NSUN3: variants seen among roughly 807,000 people sequenced by gnomAD.
NSUN3 encodes the protein tRNA (cytosine(34)-C(5))-methyltransferase, mitochondrial.
A neutral mutation model predicts 36.8 loss-of-function variants in NSUN3; 24 were observed. The observed-to-expected ratio is 0.65, with a 90% CI of 0.47 to 0.92. The LOEUF (loss-of-function observed/expected upper bound fraction) is 0.92. Ranked by LOEUF, NSUN3 falls within the 40% of genes least tolerant of loss-of-function variation. The pLI is 0.00. For missense variants in NSUN3, 381 were observed against 392.8 expected, an observed-to-expected ratio of 0.97 and a Z score of 0.25; for synonymous variants, 146 against 145.2, an observed-to-expected ratio of 1.01 and a Z score of -0.04.
chr3:94,126,472 G>A lies in NSUN3; in HGVS notation c.1005G>A (p.Trp335Ter), dbSNP rs747423750. ...PMYVAKLKKS[W>*]STGKW ...ATGTAGCCAAATTGAAGAAATCATG[G>A]AGCACAGGAAAATGGTGACATGAAT... Residue 335 changes from tryptophan (W) to a stop codon, truncating the protein, a stop_gained, in exon 6 of 6, where the codon TGG becomes TGA. Transcript: ENST00000314622. LOFTEE classifies it high-confidence loss of function. The A allele has an allele frequency of 6.2e-7, 1 of 1,608,276 alleles. No individual in the cohort carries two copies. The highest frequency in any genetic ancestry group is 1.3e-5 in the African/African-American group (1 of 74,882).
At chr3:94,067,164 G>T (rs541043104) in intron 2 of NSUN3, among the ~76,000 whole-genome samples, 1 of 152,268 alleles carries the variant, frequency 6.6e-6, no homozygotes, top group East Asian at 1.9e-4. Flanking sequence ...ATAAAAAGTG[G>T]ATACCAAGGC....
At chr3:94,076,536 T>C in intron 2 of NSUN3, 1 of 798,502 alleles carries the variant, frequency 1.3e-6, no homozygotes, top group Non-Finnish European at 2.3e-6. Flanking sequence ...TCCACCACAT[T>C]TCCCTCCTTT....
intron 5 of NSUN3, among the ~76,000 whole-genome samples, chr3:94,119,975 G>A (rs2077454765): frequency 6.6e-6 from 1 of 152,208 alleles, no homozygotes; most frequent in Non-Finnish European, 1.5e-5. Flanking sequence ...TATGAATGTC[G>A]AAATGAAAGG....
intron 3 of NSUN3, among the ~76,000 whole-genome samples, chr3:94,088,798 G>A (rs1273821423): frequency 4.0e-5 from 6 of 151,150 alleles, no homozygotes; most frequent in Admixed American, 6.6e-5. Context: ...TCAACCTCCC[G>A]AGTAGCTGGG....
At chr3:94,089,099 A>T (rs1324538346) in intron 3 of NSUN3, among the ~76,000 whole-genome samples, 2 of 152,242 alleles carry the variant, frequency 1.3e-5, no homozygotes, top group Non-Finnish European at 2.9e-5. Context: ...CAACATTTTA[A>T]CAAATTAATC....
At chr3:94,116,488 C>T (rs2077440804) in intron 5 of NSUN3, among the ~76,000 whole-genome samples, 1 of 152,112 alleles carries the variant, frequency 6.6e-6, no homozygotes, top group Non-Finnish European at 1.5e-5. Flanking sequence ...CCTTAGAAAA[C>T]TCTTGTGGAA....
At chr3:94,113,324 A>G (rs1459269086) in intron 5 of NSUN3, among the ~76,000 whole-genome samples, 1 of 152,246 alleles carries the variant, frequency 6.6e-6, no homozygotes, top group Non-Finnish European at 1.5e-5. Context: ...CCTGGTTTGG[A>G]CATTTCCAGA....
chr3:94,118,250 A>G (rs1238693341), intron 5 of NSUN3, among the ~76,000 whole-genome samples: 1 of 152,196 alleles, frequency 6.6e-6, no homozygotes, highest in Non-Finnish European at 1.5e-5. Context: ...TTTAAAAAGT[A>G]CTTCCCTAGC....
At chr3:94,082,382 C>T (rs1375872609) in intron 2 of NSUN3, among the ~76,000 whole-genome samples, 6 of 152,088 alleles carry the variant, frequency 3.9e-5, no homozygotes, top group Non-Finnish European at 8.8e-5. Context: ...TTTACAGACC[C>T]TTGATGCACA....
chr3:94,126,196 T>C lies in NSUN3; in HGVS notation c.744-15T>C. The C allele has an allele frequency of 6.3e-7, 1 of 1,589,716 alleles. No individual in the cohort carries two copies. Among genetic ancestry groups the C allele is most frequent in the South Asian group, 1.1e-5 (1 of 87,754 alleles). ...ATACTTAACTAATCTTTTGCATTTT[T>C]CTGATTGCACACAGGTCTGCAATTA... On this transcript the variant is annotated splice_polypyrimidine_tract_variant and intron_variant, in intron 5 of 5. Coordinates refer to ENST00000314622, the MANE Select transcript of NSUN3 (RefSeq NM_022072.5).
rs114529264 is a variant in NSUN3 at position 94,119,542 on chromosome 3, C to G, written c.744-6669C>G. ...GGTGGTAATGCCTGCTCACCCACCA[C>G]TCAACTCCTGCTGTGCAGCTGGGTT... On this transcript the variant is annotated intron_variant, in intron 5 of 5. Transcript: ENST00000314622. Among the ~76,000 whole-genome samples, 775 of 152,276 alleles carry G rather than the reference C, an allele frequency of 5.1e-3. 7 individuals are homozygous for G. Among genetic ancestry groups the G allele is most frequent in the African/African-American group, 0.017 (706 of 41,536 alleles).
At chr3:94,111,779 C>A (rs994907000) in intron 5 of NSUN3, among the ~76,000 whole-genome samples, 4 of 151,772 alleles carry the variant, frequency 2.6e-5, no homozygotes, top group African/African-American at 9.7e-5. Flanking sequence ...CTTCTGGTAA[C>A]CTCCTGTAGG....
At chr3:94,093,480 A>T (rs1267044890) in intron 3 of NSUN3, among the ~76,000 whole-genome samples, 1 of 152,164 alleles carries the variant, frequency 6.6e-6, no homozygotes, top group Non-Finnish European at 1.5e-5. Context: ...TCTAGGCAAG[A>T]TTGCTTATGA....
In NSUN3 at chr3:94,129,461, T is replaced by C. The variant is rs939424681; in HGVS notation, c.*2971T>C. 4.6e-5 allele frequency among the ~76,000 whole-genome samples: 7 copies of C among 151,926 alleles called. No individual in the cohort carries two copies. Among genetic ancestry groups the C allele is most frequent in the African/African-American group, 1.7e-4 (7 of 41,350 alleles). On this transcript the variant is annotated 3_prime_UTR_variant, in exon 6 of 6. Coordinates refer to ENST00000314622, the MANE Select transcript of NSUN3 (RefSeq NM_022072.5). The stretch of plus-strand genomic sequence containing the variant: ...GCTAAATATCGAGTACACATGGACA[T>C]AAAGGAACAATAGACACTGGTGACT...
intron 5 of NSUN3, among the ~76,000 whole-genome samples, chr3:94,110,735 TACACACACACACAC>T (rs145414941): frequency 7.0e-6 from 1 of 143,078 alleles, no homozygotes; most frequent in Non-Finnish European, 1.6e-5. Context: ...TATACATGTA[TACACACACACACAC>T]ACACACACAC....
intron 2 of NSUN3, among the ~76,000 whole-genome samples, chr3:94,066,081 C>CT (rs762939692): frequency 1.6e-3 from 235 of 143,676 alleles, no homozygotes; most frequent in African/African-American, 3.5e-3. Context: ...TTTCAAGAGG[C>CT]TTTTTTTTTT....
chr3:94,095,058 A>G lies in NSUN3; in HGVS notation c.647A>G (p.Asn216Ser). ...DKVLVDAPCS[N>S]DRSWLFSSDS... ...GTGTTAGTGGATGCTCCGTGTTCAA[A>G]TGATCGAAGCTGGTTGTTTTCTTCT... is the stretch of plus-strand genomic sequence containing the variant. Residue 216 changes from asparagine (N) to serine (S), a missense_variant, in exon 5 of 6, where the codon AAT (asparagine) becomes AGT (serine). Asn to Ser is a conservative substitution (Grantham distance 46, BLOSUM62 1). Coordinates refer to ENST00000314622, the MANE Select transcript of NSUN3 (RefSeq NM_022072.5). The G allele has an allele frequency of 6.2e-7, 1 of 1,613,970 alleles. No individual in the cohort carries two copies. Among genetic ancestry groups the G allele is most frequent in the Non-Finnish European group, 8.5e-7 (1 of 1,179,910 alleles).
chr3:94,076,053 A>G (rs542432375), intron 2 of NSUN3: 49 of 1,603,294 alleles, frequency 3.1e-5, no homozygotes, highest in African/African-American at 1.9e-4. Flanking sequence ...GAGAAATCAG[A>G]TATCTTGGCA....
chr3:94,131,013 A>G lies in NSUN3; in HGVS notation c.*4523A>G, dbSNP rs1285480736. ...CTGCAGCCTCGACTTCCTGGGTTCA[A>G]GTTATCTTTTCGCCTCAGCCTCCTA... On this transcript the variant is annotated 3_prime_UTR_variant, in exon 6 of 6. Transcript: ENST00000314622. 1.3e-5 allele frequency among the ~76,000 whole-genome samples: 2 copies of G among 151,940 alleles called. No homozygotes were observed. The highest frequency in any genetic ancestry group is 2.4e-5 in the African/African-American group (1 of 41,336).
Sources: allele counts gnomAD v4.1 joint callset (sites outside exome capture counted in the v4.1 genomes callset), GRCh38; gene constraint gnomAD v4.1.1; transcripts MANE v1.5; gene names NCBI Gene and HGNC (gene_info 2026-07-23, HGNC 2026-07-21).